Variants in DLG2 observed in about 807,000 individuals in gnomAD.
The protein encoded by DLG2 is discs large MAGUK scaffold protein 2.
In DLG2, 45 loss-of-function variants were observed where a neutral mutation model predicts 132.5. That is an observed-to-expected ratio of 0.34 (90% CI 0.27 to 0.44). The LOEUF is 0.44. DLG2 is among the 20% of genes least tolerant of loss of function. DLG2 has a pLI of 1.00. For missense variants in DLG2, 1,045 were observed against 1,196.9 expected (o/e 0.87, Z 1.87); for synonymous variants, 424 against 419.6 (o/e 1.01, Z -0.13).
At chr11:83,585,261 A>G (rs1189100052) in intron 19 of DLG2, among the ~76,000 whole-genome samples, 6 of 152,218 alleles carry the variant, frequency 3.9e-5, no homozygotes, top group African/African-American at 1.4e-4. Flanking sequence ...AGTGGTTAAG[A>G]TCAGTTCCCC....
At chr11:84,595,367 C>T (rs913126354) in intron 6 of DLG2, among the ~76,000 whole-genome samples, 10 of 151,992 alleles carry the variant, frequency 6.6e-5, no homozygotes, top group African/African-American at 2.2e-4. Context: ...CCCACCTCTG[C>T]CTCCCAAAGT....
At chr11:84,716,284 T>C (rs1352546001) in intron 6 of DLG2, among the ~76,000 whole-genome samples, 1 of 152,092 alleles carries the variant, frequency 6.6e-6, no homozygotes, top group Non-Finnish European at 1.5e-5. Context: ...ATCTTCCTTT[T>C]AATTAAAATA....
intron 4 of DLG2, among the ~76,000 whole-genome samples, chr11:85,184,087 C>T (rs962430209): frequency 6.6e-6 from 1 of 151,874 alleles, no homozygotes; most frequent in Non-Finnish European, 1.5e-5. Flanking sequence ...ACCCTAGTCC[C>T]TTGCCTTTTG....
At chr11:85,602,779 G>T (rs2080258957) in intron 2 of DLG2, among the ~76,000 whole-genome samples, 1 of 152,100 alleles carries the variant, frequency 6.6e-6, no homozygotes, top group Admixed American at 6.5e-5. Context: ...ACCACAGTAT[G>T]CTGTTTCTCA....
intron 7 of DLG2, among the ~76,000 whole-genome samples, chr11:84,508,308 T>G (rs1352922054): frequency 6.6e-6 from 1 of 152,220 alleles, no homozygotes; most frequent in Non-Finnish European, 1.5e-5. Context: ...TATTACCTGT[T>G]GTCTTTCATT....
chr11:85,500,997 C>T, intron 3 of DLG2, among the ~76,000 whole-genome samples: 1 of 152,190 alleles, frequency 6.6e-6, no homozygotes. Context: ...CTGGAGGCAT[C>T]ACACTACCTG....
chr11:83,837,348 G>T (rs903022564), intron 16 of DLG2, among the ~76,000 whole-genome samples: 2 of 152,076 alleles, frequency 1.3e-5, no homozygotes. Flanking sequence ...GCATCACCTC[G>T]TACCCCCTTG....
intron 2 of DLG2, among the ~76,000 whole-genome samples, chr11:85,616,776 G>T (rs1324207187): frequency 2.6e-5 from 4 of 152,126 alleles, no homozygotes; most frequent in Non-Finnish European, 5.9e-5. Flanking sequence ...CTTGTTATTG[G>T]CAACATTGCT....
chr11:84,426,464 A>G (rs2154470952), intron 7 of DLG2, among the ~76,000 whole-genome samples: 1 of 152,284 alleles, frequency 6.6e-6, no homozygotes. Flanking sequence ...CTTTGGACAT[A>G]TTAATTGACC....
intron 14 of DLG2, among the ~76,000 whole-genome samples, chr11:83,961,321 A>G (rs2088696686): frequency 6.6e-6 from 1 of 152,048 alleles, no homozygotes; most frequent in Non-Finnish European, 1.5e-5. Flanking sequence ...GAGCTCATCA[A>G]AACTCTGAGG....
chr11:84,052,687 C>CAAAAAAA (rs67140653), intron 11 of DLG2, among the ~76,000 whole-genome samples: 1 of 125,312 alleles, frequency 8.0e-6, no homozygotes, highest in African/African-American at 3.2e-5. Context: ...ATTAAAAAGT[C>CAAAAAAA]AAAAAAAAAA....
At chr11:84,057,147 A>G (rs992925045) in intron 11 of DLG2, among the ~76,000 whole-genome samples, 4 of 152,184 alleles carry the variant, frequency 2.6e-5, no homozygotes, top group Non-Finnish European at 5.9e-5. Flanking sequence ...CAAGGAAGAA[A>G]GCAGTTCAGC....
At chr11:84,845,896 T>C (rs1254237329) in intron 6 of DLG2, among the ~76,000 whole-genome samples, 1 of 152,008 alleles carries the variant, frequency 6.6e-6, no homozygotes, top group Non-Finnish European at 1.5e-5. Context: ...GCCAGGCTGG[T>C]CTCGAACTCC....
chr11:84,273,832 T>A (rs2097760130), intron 7 of DLG2, among the ~76,000 whole-genome samples: 1 of 152,212 alleles, frequency 6.6e-6, no homozygotes, highest in Admixed American at 6.5e-5. Context: ...AGATGTGACA[T>A]ATTCTTCACC....
At chr11:84,335,335 T>C (rs923420629) in intron 7 of DLG2, among the ~76,000 whole-genome samples, 1 of 152,054 alleles carries the variant, frequency 6.6e-6, no homozygotes, top group African/African-American at 2.4e-5. Flanking sequence ...AAGAAGTTTA[T>C]ACCATTGCTG....
rs562506114 is a variant in DLG2 at position 83,776,048 on chromosome 11, T to C, written c.1825+10642A>G. ...TGGAGCTTGCAGTGAGCAGAGATTG[T>C]GCCACTGCACTCCAGCCTGGGTGAC... On this transcript the variant is annotated intron_variant, in intron 18 of 27. Transcript: ENST00000376104. Among the ~76,000 whole-genome samples, 33 of 152,222 alleles carry C rather than the reference T, an allele frequency of 2.2e-4. No individual in the cohort carries two copies. In the South Asian group the frequency reaches 5.8e-3, roughly 27 times the overall value.
At chr11:85,336,617 G>A (rs1258820811) in intron 3 of DLG2, 1 of 154,736 alleles carries the variant, frequency 6.5e-6, no homozygotes, top group Non-Finnish European at 1.4e-5. Flanking sequence ...CACAGCTCCT[G>A]AGGATGGGGT....
At chr11:84,069,940 G>A (rs1181655380) in intron 10 of DLG2, among the ~76,000 whole-genome samples, 1 of 152,212 alleles carries the variant, frequency 6.6e-6, no homozygotes, top group Non-Finnish European at 1.5e-5. Context: ...TGACAGGACT[G>A]CTTGTCAACT....
chr11:84,915,902 C>T (rs1264412886), intron 6 of DLG2, among the ~76,000 whole-genome samples: 1 of 152,176 alleles, frequency 6.6e-6, no homozygotes, highest in Non-Finnish European at 1.5e-5. Context: ...GACACAGTTC[C>T]TGCCCTCAAG....
Sources: allele counts gnomAD v4.1 joint callset (sites outside exome capture counted in the v4.1 genomes callset), GRCh38; gene constraint gnomAD v4.1.1; transcripts MANE v1.5; gene names NCBI Gene and HGNC (gene_info 2026-07-23, HGNC 2026-07-21).